SYCP2L: variants seen among roughly 807,000 people sequenced by gnomAD.
The protein encoded by SYCP2L is synaptonemal complex protein 2 like, also known as synaptonemal complex protein 2-like.
A neutral mutation model predicts 125.8 loss-of-function variants in SYCP2L; 98 were observed. That is an observed-to-expected ratio of 0.78 (90% CI 0.66 to 0.92). The LOEUF (loss-of-function observed/expected upper bound fraction) is 0.92, where lower values mean the gene tolerates loss of function less well. Ranked by LOEUF, SYCP2L falls within the 40% of genes least tolerant of loss-of-function variation. SYCP2L has a pLI of 0.00. For missense variants in SYCP2L, 842 were observed against 936.4 expected (o/e 0.90, Z 1.32); for synonymous variants, 317 against 325.4 (o/e 0.97, Z 0.28).
At chr6:10,922,587 T>A (rs1780817720) in intron 14 of SYCP2L, 1 of 151,722 alleles carries the variant, frequency 6.6e-6, no homozygotes, top group South Asian at 2.1e-4. Flanking sequence ...TGCCTCAACA[T>A]CCCGAGTAGC....
At chr6:10,955,544 A>G (rs1226571539) in intron 24 of SYCP2L, among the ~76,000 whole-genome samples, 4 of 152,204 alleles carry the variant, frequency 2.6e-5, no homozygotes, top group Admixed American at 6.5e-5. Flanking sequence ...AAATATCTAT[A>G]CCGATTAAGA....
intron 29 of SYCP2L, among the ~76,000 whole-genome samples, chr6:10,968,829 C>A (rs60726215): frequency 0.059 from 9,046 of 152,140 alleles, 880 homozygotes; most frequent in African/African-American, 0.2. Context: ...GCTGACTTTT[C>A]GAAGCTTTTT....
Position 10,927,308 on chromosome 6 carries a change from C to T in SYCP2L, c.1381C>T (p.Leu461Phe). Residue 461 changes from leucine to phenylalanine, a missense_variant, in exon 17 of 30, where the codon CTC becomes TTC. Coordinates refer to ENST00000283141, the MANE Select transcript of SYCP2L (RefSeq NM_001040274.3). Reference protein sequence around the residue: ...SAEDDRCLITLHLNDQSEPPV... With the variant: ...SAEDDRCLITFHLNDQSEPPV... ...TGAAGATGACCGCTGCCTAATAACT[C>T]TCCACTTAAATGACCAATCTGAGCC... The T allele has an allele frequency of 6.2e-7, 1 of 1,614,124 alleles. No homozygotes were observed. The highest frequency in any genetic ancestry group is 2.2e-5 in the East Asian group (1 of 44,880).
intron 14 of SYCP2L, among the ~76,000 whole-genome samples, chr6:10,919,966 G>A (rs114820439): frequency 0.029 from 4,421 of 152,198 alleles, 78 homozygotes; most frequent in Non-Finnish European, 0.039. Flanking sequence ...GCAGGCAATG[G>A]GTGAGCAAGA....
intron 8 of SYCP2L, among the ~76,000 whole-genome samples, chr6:10,905,387 G>A (rs1439727780): frequency 1.3e-5 from 2 of 151,732 alleles, no homozygotes; most frequent in East Asian, 3.9e-4. Flanking sequence ...CCGCCTCCCG[G>A]GTTCAAGAGA....
intron 21 of SYCP2L, 93 bp downstream of exon 21, chr6:10,935,280 T>TA: frequency 1.6e-6 from 2 of 1,246,860 alleles, no homozygotes; most frequent in Non-Finnish European, 2.2e-6. Context: ...TAATATCTAT[T>TA]AAAGAAAATA....
At chr6:10,920,440 C>T (rs1325290958) in intron 14 of SYCP2L, among the ~76,000 whole-genome samples, 1 of 152,204 alleles carries the variant, frequency 6.6e-6, no homozygotes, top group East Asian at 1.9e-4. Context: ...TGGTCTCGAA[C>T]TCCTGACCTC....
intron 21 of SYCP2L, among the ~76,000 whole-genome samples, chr6:10,941,089 G>A (rs77173674): frequency 1.3e-5 from 2 of 152,124 alleles, no homozygotes; most frequent in African/African-American, 2.4e-5. Flanking sequence ...TGGGAAAATC[G>A]TCTAGCCGTA....
Position 10,952,258 on chromosome 6 carries a change from T to G in SYCP2L, c.1955-2858T>G, listed in dbSNP as rs550985296. The stretch of plus-strand genomic sequence containing the variant: ...AAGTGCTGGTTCTTGTGCAGGAGCC[T>G]GTGCTCTCTGGAGAGCCATGCCTTT... On this transcript the variant is annotated intron_variant, in intron 23 of 29. Coordinates refer to ENST00000283141, the MANE Select transcript of SYCP2L (RefSeq NM_001040274.3). Among the ~76,000 whole-genome samples the G allele has an allele frequency of 3.9e-5, 6 of 152,352 alleles. No individual in the cohort carries two copies. In the South Asian group the frequency reaches 1.2e-3, roughly 32 times the overall value.
chr6:10,965,292 A>G (rs1383783960), intron 29 of SYCP2L, among the ~76,000 whole-genome samples: 1 of 152,156 alleles, frequency 6.6e-6, no homozygotes, highest in Non-Finnish European at 1.5e-5. Flanking sequence ...TGGAGTTAAT[A>G]AATTGCTGAT....
intron 29 of SYCP2L, among the ~76,000 whole-genome samples, chr6:10,967,325 A>T (rs1781698896): frequency 1.3e-5 from 2 of 152,198 alleles, no homozygotes; most frequent in African/African-American, 2.4e-5. Flanking sequence ...TATAACTTTG[A>T]TACCAAAACA....
At chr6:10,895,697 T>G (rs774572970) in intron 4 of SYCP2L, among the ~76,000 whole-genome samples, 6 of 152,012 alleles carry the variant, frequency 3.9e-5, no homozygotes, top group Non-Finnish European at 8.8e-5. Flanking sequence ...CCTCATCATA[T>G]TCCACATCTC....
At position 10,887,154 on chromosome 6, in the gene SYCP2L, G is replaced by C; in HGVS notation, c.9+19G>C. On this transcript the variant is annotated intron_variant, in intron 1 of 29. Transcript: ENST00000283141. ...GCAAGCGGTGAGTGACCCCCGAAGGGCCCGGACCTTCTGTCCACAGTGCTA... is the reference window on the plus strand; with the variant it reads ...GCAAGCGGTGAGTGACCCCCGAAGGCCCCGGACCTTCTGTCCACAGTGCTA... 6.2e-7 allele frequency: 1 copy of C among 1,614,064 alleles called. No homozygotes were observed. Among genetic ancestry groups the C allele is most frequent in the African/African-American group, 1.3e-5 (1 of 75,066 alleles).
In SYCP2L at chr6:10,891,878, T is replaced by C. The variant is rs146800746; in HGVS notation, c.78+297T>C. 2.5e-3 allele frequency among the ~76,000 whole-genome samples: 384 copies of C among 152,360 alleles called. 2 individuals are homozygous for C. The highest frequency in any genetic ancestry group is 6.8e-3 in the Middle Eastern group (2 of 294). On this transcript the variant is annotated intron_variant, in intron 2 of 29. Transcript: ENST00000283141. Reference sequence around the variant, plus strand: ...CTATCTTGTGCCCTGTGCAGATATCTTGTGCCCTAAATGCAGATAGATGAT... The same window carrying C: ...CTATCTTGTGCCCTGTGCAGATATCCTGTGCCCTAAATGCAGATAGATGAT...
chr6:10,900,913 C>T (rs73723609), intron 6 of SYCP2L, among the ~76,000 whole-genome samples: 1,954 of 152,310 alleles, frequency 0.013, 42 homozygotes, highest in African/African-American at 0.045. Flanking sequence ...TTGTCTTGTG[C>T]GAGCTTTATG....
At chr6:10,961,081 A>G (rs1434549422) in intron 26 of SYCP2L, among the ~76,000 whole-genome samples, 1 of 149,888 alleles carries the variant, frequency 6.7e-6, no homozygotes, top group Non-Finnish European at 1.5e-5. Flanking sequence ...TCCATCTCAA[A>G]AAAAAAAAAA....
Position 10,955,331 on chromosome 6 carries a change from A to G in SYCP2L, c.2056+114A>G, listed in dbSNP as rs892166077. 59 of 616,822 alleles carry G rather than the reference A, an allele frequency of 9.6e-5. 1 individual carries two copies. The highest frequency in any genetic ancestry group is 2.6e-4 in the Middle Eastern group (1 of 3,792). 38.2% of individuals were successfully genotyped at this position (616,822 alleles called of 1,614,324 possible). A position where few individuals can be genotyped will look rare whatever the true frequency, so the allele number is the denominator to read the frequency against. ...ATAGTTTTAAGATCATAGTAGCTAC[A>G]AAATCCTAAAAACTAAGCTTTTGTG... is the stretch of plus-strand genomic sequence containing the variant. On this transcript the variant is annotated intron_variant, in intron 24 of 29. Transcript: ENST00000283141.
In SYCP2L at chr6:10,902,754, C is replaced by T. The variant is rs778372127; in HGVS notation, c.544C>T (p.Gln182Ter). 6.2e-7 allele frequency: 1 copy of T among 1,614,106 alleles called. No individual in the cohort carries two copies. Among genetic ancestry groups the T allele is most frequent in the Non-Finnish European group, 8.5e-7 (1 of 1,179,974 alleles). ...VTEKTVNHLL[Q>*]QEGLKTFNCI... Reference sequence around the variant, plus strand: ...AGAAAAGACTGTAAATCATTTGCTTCAACAGGAGGTGAGTTGCAAGTAACA... The same window carrying T: ...AGAAAAGACTGTAAATCATTTGCTTTAACAGGAGGTGAGTTGCAAGTAACA... Residue 182 changes from glutamine to a stop codon, truncating the protein, a stop_gained, in exon 7 of 30, where the codon CAA (glutamine) becomes TAA (stop). Transcript: ENST00000283141. LOFTEE classifies it high-confidence loss of function.
intron 23 of SYCP2L, among the ~76,000 whole-genome samples, chr6:10,952,751 T>C (rs1356616911): frequency 6.6e-6 from 1 of 152,210 alleles, no homozygotes; most frequent in Non-Finnish European, 1.5e-5. Flanking sequence ...GAATGTTGTT[T>C]GCCTTGAGGC....
Sources: allele counts gnomAD v4.1 joint callset (sites outside exome capture counted in the v4.1 genomes callset), GRCh38; gene constraint gnomAD v4.1.1; transcripts MANE v1.5; gene names NCBI Gene and HGNC (gene_info 2026-07-23, HGNC 2026-07-21).